The following RNASEH2B variants were observed in gnomAD, a reference collection of about 807,000 sequenced individuals.
The protein encoded by RNASEH2B is Aicardi-Goutieres syndrome 2 protein.
RNASEH2B carries 36 observed loss-of-function variants against 45.0 expected under a neutral mutation model. That is an observed-to-expected ratio of 0.80 (90% confidence interval 0.61 to 1.06). RNASEH2B has a LOEUF of 1.06. Ranked by LOEUF, RNASEH2B falls within the 50% of genes least tolerant of loss-of-function variation. The probability of loss-of-function intolerance (pLI) is 0.00; values close to 1 mark genes in which losing one functional copy is unlikely to be tolerated. For synonymous variants in RNASEH2B, 119 were observed against 125.7 expected (o/e 0.95, Z 0.35); for missense variants, 361 against 360.3 (o/e 1.00, Z -0.02).
chr13:50,948,498 A>C (rs2209225), intron 8 of RNASEH2B: 157,359 of 158,412 alleles, frequency 0.99, 78,167 homozygotes, highest in East Asian at 1. Flanking sequence ...ACTTTATGCC[A>C]AAGACTTGGA....
At chr13:50,969,819 G>T (rs1173636876) in intron 9 of RNASEH2B, 5 of 1,049,634 alleles carry the variant, frequency 4.8e-6, no homozygotes, top group Non-Finnish European at 7.1e-6. Context: ...CTGCCCTCAG[G>T]ACTAAACCCG....
chr13:50,965,611 G>T (rs1952157644), intron 9 of RNASEH2B, among the ~76,000 whole-genome samples: 1 of 152,252 alleles, frequency 6.6e-6, no homozygotes, highest in Admixed American at 6.5e-5. Flanking sequence ...TGAACTTCAA[G>T]AGTCGTTCTG....
chr13:50,938,616 C>T (rs201158265), intron 5 of RNASEH2B: 1 of 152,160 alleles, frequency 6.6e-6, no homozygotes, highest in Non-Finnish European at 1.5e-5. Context: ...ATTCGATTCT[C>T]ATAAGGAGCA....
chr13:50,943,650 A>G (rs2137983876), intron 6 of RNASEH2B, among the ~76,000 whole-genome samples: 1 of 152,270 alleles, frequency 6.6e-6, no homozygotes, highest in South Asian at 2.1e-4. Context: ...ACGGAATGAA[A>G]TAATTTGTTG....
rs777957109 is a variant in RNASEH2B at position 50,948,108 on chromosome 13, TG to T, written c.698+41del. The T allele has an allele frequency of 5.6e-6, 9 of 1,606,174 alleles. No homozygotes were observed. The African/African-American group carries it at 1.2e-4, about 21-fold the overall frequency. ...TCTTCAGTCATAATGAAGTACCATT[TG>T]CTTCTTGGTTTCCCCAGCAGTGGGG... is the stretch of plus-strand genomic sequence containing the variant. On this transcript the variant is annotated intron_variant, in intron 8 of 10. Transcript: ENST00000336617.
At chr13:50,930,823 C>G in intron 4 of RNASEH2B, 64 bp downstream of exon 4, 1 of 1,154,458 alleles carries the variant, frequency 8.7e-7, no homozygotes, top group Non-Finnish European at 1.3e-6. Context: ...GTTTGATCTC[C>G]TCTCTCTCCT....
chr13:50,934,111 G>C (rs1471051864), intron 4 of RNASEH2B: 1 of 152,288 alleles, frequency 6.6e-6, no homozygotes, highest in Non-Finnish European at 1.5e-5. Flanking sequence ...ATCTGGTACA[G>C]TCTGGTGTCC....
intron 9 of RNASEH2B, among the ~76,000 whole-genome samples, chr13:50,969,055 G>A (rs1182987250): frequency 6.6e-6 from 1 of 152,234 alleles, no homozygotes; most frequent in African/African-American, 2.4e-5. Context: ...TTAAGAGCAT[G>A]TACTGAGCAC....
intron 5 of RNASEH2B, among the ~76,000 whole-genome samples, chr13:50,940,666 G>A (rs1173783389): frequency 6.6e-6 from 1 of 152,160 alleles, no homozygotes; most frequent in Non-Finnish European, 1.5e-5. Flanking sequence ...TTAGACACAT[G>A]GAGGCTTAGT....
intron 9 of RNASEH2B, among the ~76,000 whole-genome samples, chr13:50,963,618 G>T (rs1952135172): frequency 6.6e-6 from 1 of 151,956 alleles, no homozygotes; most frequent in African/African-American, 2.4e-5. Context: ...TATTATCTTT[G>T]TTATTTTCTA....
At chr13:50,949,644 T>C in intron 9 of RNASEH2B, 139 bp downstream of exon 9, 4 of 758,882 alleles carry the variant, frequency 5.3e-6, no homozygotes, top group East Asian at 2.6e-5. Context: ...GGAATAAAGA[T>C]TGTACTGGGC....
intron 1 of RNASEH2B, among the ~76,000 whole-genome samples, chr13:50,919,453 C>T (rs926330128): frequency 6.6e-6 from 1 of 152,168 alleles, no homozygotes; most frequent in Non-Finnish European, 1.5e-5. Flanking sequence ...CACAGCTCTC[C>T]CTCCTTTCTC....
Position 50,910,160 on chromosome 13 carries a change from C to A in RNASEH2B, c.64+20C>A. On this transcript the variant is annotated intron_variant, in intron 1 of 10. Coordinates refer to ENST00000336617, the MANE Select transcript of RNASEH2B (RefSeq NM_024570.4). ...TTTCAGGTAAACACGCGCGCCCGGGCGGCGGGGTCGGCCCAAGAACTGGCG... is the reference window on the plus strand; with the variant it reads ...TTTCAGGTAAACACGCGCGCCCGGGAGGCGGGGTCGGCCCAAGAACTGGCG... The A allele has an allele frequency of 7.2e-7, 1 of 1,385,616 alleles. No homozygotes were observed. Among genetic ancestry groups the A allele is most frequent in the Non-Finnish European group, 9.4e-7 (1 of 1,067,576 alleles). The allele number at this position is 1,385,616 out of a possible 1,614,324, so 85.8% of individuals were successfully genotyped here.
intron 5 of RNASEH2B, chr13:50,942,883 TAGG>T (rs1180465169): frequency 6.1e-6 from 1 of 164,260 alleles, no homozygotes; most frequent in Non-Finnish European, 1.3e-5. Context: ...TAGACATAGA[TAGG>T]AGACAAAAGG....
intron 7 of RNASEH2B, among the ~76,000 whole-genome samples, chr13:50,946,590 C>A (rs1355316000): frequency 6.6e-6 from 1 of 151,992 alleles, no homozygotes; most frequent in Non-Finnish European, 1.5e-5. Flanking sequence ...TGGATGGAAC[C>A]ATAGATTTTG....
intron 1 of RNASEH2B, among the ~76,000 whole-genome samples, chr13:50,917,337 A>G (rs1264089747): frequency 7.2e-5 from 11 of 152,196 alleles, no homozygotes; most frequent in Admixed American, 6.5e-4. Context: ...TGTCTTGCCT[A>G]TGGCCAACAT....
intron 1 of RNASEH2B, chr13:50,921,157 A>T (rs561083535): frequency 6.6e-6 from 1 of 152,170 alleles, no homozygotes; most frequent in Admixed American, 6.5e-5. Flanking sequence ...ATGTAAAATT[A>T]TTATTATACC....
At chr13:50,921,741 G>T (rs1951526605) in intron 1 of RNASEH2B, among the ~76,000 whole-genome samples, 1 of 152,130 alleles carries the variant, frequency 6.6e-6, no homozygotes. Context: ...CACTAGCAAA[G>T]ATAGCAAAAA....
Position 50,927,872 on chromosome 13 carries a change from A to G in RNASEH2B, c.136+394A>G, listed in dbSNP as rs116387515. Among the ~76,000 whole-genome samples the G allele has an allele frequency of 6.6e-3, 1,000 of 152,278 alleles. 14 individuals are homozygous for G. Among genetic ancestry groups the G allele is most frequent in the African/African-American group, 0.023 (953 of 41,568 alleles). ...GTAAAATAAACAACCAGAATTTAAA[A>G]AAACAAAAACAGAAGGCTTTTACTT... On this transcript the variant is annotated intron_variant, in intron 2 of 10. Coordinates refer to ENST00000336617, the MANE Select transcript of RNASEH2B (RefSeq NM_024570.4).
Sources: allele counts gnomAD v4.1 joint callset (sites outside exome capture counted in the v4.1 genomes callset), GRCh38; gene constraint gnomAD v4.1.1; transcripts MANE v1.5; gene names NCBI Gene and HGNC (gene_info 2026-07-23, HGNC 2026-07-21).